Variants in DRD2 observed in about 807,000 individuals in gnomAD.
DRD2 encodes the protein dopamine receptor D2, also known as D(2) dopamine receptor.
DRD2 carries 8 observed loss-of-function variants against 38.0 expected under a neutral mutation model. The ratio of observed to expected loss-of-function variants is 0.21; its 90% confidence interval spans 0.12 to 0.38. The LOEUF is 0.38. DRD2 is among the 10% of genes least tolerant of loss of function. The probability of loss-of-function intolerance (pLI) is 1.00; values close to 1 mark genes in which losing one functional copy is unlikely to be tolerated. For synonymous variants in DRD2, 230 were observed against 238.6 expected (o/e 0.96, Z 0.33); for missense variants, 403 against 607.7 (o/e 0.66, Z 3.54).
chr11:113,454,266 C>T (rs1951245602), intron 1 of DRD2, among the ~76,000 whole-genome samples: 2 of 152,238 alleles, frequency 1.3e-5, no homozygotes, highest in South Asian at 2.1e-4. Flanking sequence ...TTAGGATTCA[C>T]GCTTGAACCT....
intron 1 of DRD2, among the ~76,000 whole-genome samples, chr11:113,462,546 T>C (rs1463164469): frequency 1.3e-5 from 2 of 152,094 alleles, no homozygotes; most frequent in African/African-American, 2.4e-5. Context: ...CCAGGAGCCA[T>C]GGGGAGCTGG....
At chr11:113,435,244 A>C (rs1289882219) in intron 1 of DRD2, among the ~76,000 whole-genome samples, 1 of 151,350 alleles carries the variant, frequency 6.6e-6, no homozygotes, top group Non-Finnish European at 1.5e-5. Context: ...CCATCCCTGC[A>C]GATTTTGATG....
chr11:113,441,239 T>G (rs186681946), intron 1 of DRD2, among the ~76,000 whole-genome samples: 1 of 152,312 alleles, frequency 6.6e-6, no homozygotes, highest in East Asian at 1.9e-4. Context: ...ATCAACCCAT[T>G]CTGTTATGTG....
chr11:113,415,745 GCTGCCTGGTCAT>G, intron 4 of DRD2, 134 bp from the exon 5 acceptor site: 1 of 984,646 alleles, frequency 1.0e-6, no homozygotes, highest in Non-Finnish European at 1.5e-6. Flanking sequence ...GATGTTTAAG[GCTGCCTGGTCAT>G]CTTAGATATA....
intron 1 of DRD2, among the ~76,000 whole-genome samples, chr11:113,456,088 C>T (rs1951265959): frequency 6.6e-6 from 1 of 152,110 alleles, no homozygotes; most frequent in Non-Finnish European, 1.5e-5. Context: ...TCTATATATC[C>T]ACAATGGAAT....
intron 1 of DRD2, among the ~76,000 whole-genome samples, chr11:113,469,385 C>T (rs1006449380): frequency 1.3e-5 from 2 of 152,170 alleles, no homozygotes; most frequent in African/African-American, 4.8e-5. Context: ...AAGATTACTG[C>T]CCTTTCATTC....
chr11:113,435,959 A>T (rs1459238453), intron 1 of DRD2, among the ~76,000 whole-genome samples: 1 of 152,226 alleles, frequency 6.6e-6, no homozygotes, highest in African/African-American at 2.4e-5. Context: ...TTATTAAAAG[A>T]CATTCCTGTT....
chr11:113,450,935 G>A (rs936563968), intron 1 of DRD2, among the ~76,000 whole-genome samples: 1 of 152,154 alleles, frequency 6.6e-6, no homozygotes, highest in Non-Finnish European at 1.5e-5. Flanking sequence ...CTCTGACCAG[G>A]CTCTAATGAC....
In DRD2 at chr11:113,446,318, G is replaced by A. The variant is rs558360109; in HGVS notation, c.-31-21636C>T. 4.6e-5 allele frequency among the ~76,000 whole-genome samples: 7 copies of A among 152,310 alleles called. No homozygotes were observed. In the East Asian group the frequency reaches 1.4e-3, roughly 29 times the overall value. Reference sequence around the variant, plus strand: ...GACCAGTTTCTACCCCCGGCGCTGAGTCAGACACAGAGTTGCTGTCAGAAC... The same window carrying A: ...GACCAGTTTCTACCCCCGGCGCTGAATCAGACACAGAGTTGCTGTCAGAAC... On this transcript the variant is annotated intron_variant, in intron 1 of 7. Coordinates refer to ENST00000362072, the MANE Select transcript of DRD2 (RefSeq NM_000795.4).
At chr11:113,471,192 T>C (rs952029897) in intron 1 of DRD2, among the ~76,000 whole-genome samples, 3 of 152,114 alleles carry the variant, frequency 2.0e-5, no homozygotes, top group African/African-American at 7.2e-5. Context: ...TATGATTCTA[T>C]TGTCAAAAAA....
chr11:113,418,217 G>A (rs983710550), intron 2 of DRD2, 81 bp from the exon 3 acceptor site: 14 of 1,181,768 alleles, frequency 1.2e-5, no homozygotes, highest in South Asian at 1.0e-4. Context: ...TCCTGGAGCC[G>A]ATGAGGCCAC....
chr11:113,415,944 G>T (rs72997602), intron 4 of DRD2, among the ~76,000 whole-genome samples: 3,615 of 152,304 alleles, frequency 0.024, 53 homozygotes, highest in Middle Eastern at 0.038. Flanking sequence ...AATGACACAA[G>T]AAAACTTTTA....
At position 113,464,830 on chromosome 11, in the gene DRD2, A is replaced by C. The variant is rs1367958388; in HGVS notation, c.-32+10246T>G. 2.6e-5 allele frequency among the ~76,000 whole-genome samples: 4 copies of C among 152,194 alleles called. No homozygotes were observed. The East Asian group carries it at 7.7e-4, about 29-fold the overall frequency. ...TCAATCCAGCTTAGGTTTCTGGCCC[A>C]ATATGCATACACTTTTACCGATATC... On this transcript the variant is annotated intron_variant, in intron 1 of 7. Coordinates refer to ENST00000362072, the MANE Select transcript of DRD2 (RefSeq NM_000795.4).
intron 2 of DRD2, among the ~76,000 whole-genome samples, chr11:113,421,095 T>C (rs1950880170): frequency 6.6e-6 from 1 of 152,058 alleles, no homozygotes; most frequent in Non-Finnish European, 1.5e-5. Flanking sequence ...CATAACCACC[T>C]CTCCTCCATA....
chr11:113,409,838 A>G lies in DRD2; in HGVS notation c.*889T>C, dbSNP rs1454318477. 3 of 152,828 alleles carry G rather than the reference A, an allele frequency of 2.0e-5. No homozygotes were observed. The highest frequency in any genetic ancestry group is 7.2e-5 in the African/African-American group (3 of 41,450). The allele number at this position is 152,828 out of a possible 1,614,324, so 9.5% of individuals were successfully genotyped here. The stretch of plus-strand genomic sequence containing the variant: ...AAGGCCAGAAGGAATAGAAAAGGAA[A>G]GTGGTTTTGCGTCAGAGTGTGGCAG... On this transcript the variant is annotated 3_prime_UTR_variant, in exon 8 of 8. Coordinates refer to ENST00000362072, the MANE Select transcript of DRD2 (RefSeq NM_000795.4).
chr11:113,443,974 T>A (rs182671927), intron 1 of DRD2, among the ~76,000 whole-genome samples: 13 of 152,244 alleles, frequency 8.5e-5, no homozygotes, highest in African/African-American at 2.9e-4. Context: ...TAAAGTACTA[T>A]GGGCACACTT....
At chr11:113,422,508 G>A (rs903079826) in intron 2 of DRD2, among the ~76,000 whole-genome samples, 1 of 152,198 alleles carries the variant, frequency 6.6e-6, no homozygotes, top group African/African-American at 2.4e-5. Flanking sequence ...GGGATCAAGC[G>A]TAAGAATTAA....
At chr11:113,454,603 C>G (rs1183574634) in intron 1 of DRD2, among the ~76,000 whole-genome samples, 1 of 152,146 alleles carries the variant, frequency 6.6e-6, no homozygotes, top group Non-Finnish European at 1.5e-5. Flanking sequence ...AACAGAAAAG[C>G]TTCACTCTCT....
chr11:113,412,596 C>A lies in DRD2; in HGVS notation c.1098G>T (p.Gln366His). The A allele has an allele frequency of 6.2e-7, 1 of 1,614,152 alleles. No individual in the cohort carries two copies. Among genetic ancestry groups the A allele is most frequent in the Non-Finnish European group, 8.5e-7 (1 of 1,180,042 alleles). Reference sequence around the variant, plus strand: ...GCATCTGAGTGGCTTTCTTCTCCTTCTGCTGGGAGAGCTTCCTACGGCTCA... The same window carrying A: ...GCATCTGAGTGGCTTTCTTCTCCTTATGCTGGGAGAGCTTCCTACGGCTCA... ...KTMSRRKLSQ[Q>H]KEKKATQMLA... Residue 366 changes from glutamine (Q) to histidine (H), a missense_variant, in exon 7 of 8, where the codon CAG becomes CAT. This residue lies in a region of DRD2 where 67 missense variants were observed against 136.1 expected (regional missense o/e 0.49). Coordinates refer to ENST00000362072, the MANE Select transcript of DRD2 (RefSeq NM_000795.4).
Sources: allele counts gnomAD v4.1 joint callset (sites outside exome capture counted in the v4.1 genomes callset), GRCh38; gene constraint gnomAD v4.1.1; regional missense constraint gnomAD v4.1.1; transcripts MANE v1.5; gene names NCBI Gene and HGNC (gene_info 2026-07-23, HGNC 2026-07-21).